Variants in PEAK1 observed in about 807,000 individuals in gnomAD.
PEAK1 encodes pseudopodium enriched atypical kinase 1.
Under a neutral mutation model 124.7 loss-of-function variants are expected in PEAK1, and 54 were observed. The ratio of observed to expected loss-of-function variants is 0.43; its 90% CI spans 0.35 to 0.54. The LOEUF is 0.54. Ranked by LOEUF, PEAK1 falls within the 20% of genes least tolerant of loss-of-function variation. The probability of loss-of-function intolerance (pLI) is 0.01; values close to 1 mark genes in which losing one functional copy is unlikely to be tolerated. For missense variants in PEAK1, 2,046 were observed against 2,134.5 expected (o/e 0.96, Z 0.82); for synonymous variants, 719 against 760.0 (o/e 0.95, Z 0.89).
At chr15:77,354,668 T>A (rs2067398919) in intron 2 of PEAK1, among the ~76,000 whole-genome samples, 1 of 152,208 alleles carries the variant, frequency 6.6e-6, no homozygotes, top group African/African-American at 2.4e-5. Context: ...GAATACATAG[T>A]TTTCTCTCTG....
intron 1 of PEAK1, chr15:77,418,414 C>A (rs1328700900): frequency 1.0e-6 from 1 of 985,172 alleles, no homozygotes; most frequent in East Asian, 1.1e-4. Context: ...TTTCCCTTTC[C>A]CCCCCGACAG....
intron 9 of PEAK1, among the ~76,000 whole-genome samples, chr15:77,119,778 T>C (rs2051744181): frequency 6.6e-6 from 1 of 152,254 alleles, no homozygotes; most frequent in Non-Finnish European, 1.5e-5. Flanking sequence ...TCATGACAAC[T>C]GCCCTGCATA....
chr15:77,300,300 T>C (rs911026265), intron 2 of PEAK1, among the ~76,000 whole-genome samples: 1 of 152,198 alleles, frequency 6.6e-6, no homozygotes, highest in Non-Finnish European at 1.5e-5. Flanking sequence ...AACAGCAAGG[T>C]TGACTACAGG....
At position 77,166,816 on chromosome 15, in the gene PEAK1, T is replaced by C. The variant is rs576501744; in HGVS notation, c.3138-8120A>G. Among the ~76,000 whole-genome samples, 8 of 152,126 alleles carry C rather than the reference T, an allele frequency of 5.3e-5. No individual in the cohort carries two copies. The East Asian group carries it at 1.2e-3, about 22-fold the overall frequency. On this transcript the variant is annotated intron_variant, in intron 7 of 9. Transcript: ENST00000682557. ...TGGTAAGCAGAGCTCAAGTAACTTATCCAAGATGACACTAATGTGACAAAA... is the reference window on the plus strand; with the variant it reads ...TGGTAAGCAGAGCTCAAGTAACTTACCCAAGATGACACTAATGTGACAAAA...
At chr15:77,366,369 A>T (rs184096486) in intron 1 of PEAK1, among the ~76,000 whole-genome samples, 7 of 152,306 alleles carry the variant, frequency 4.6e-5, no homozygotes, top group African/African-American at 1.7e-4. Flanking sequence ...TAACATGAGC[A>T]AGAAATAAAC....
chr15:77,300,837 C>T (rs1483295262), intron 2 of PEAK1, among the ~76,000 whole-genome samples: 1 of 151,660 alleles, frequency 6.6e-6, no homozygotes, highest in Non-Finnish European at 1.5e-5. Flanking sequence ...CTTAAAAAAC[C>T]AGTAATTATT....
chr15:77,105,410 G>A (rs1179957204), downstream of PEAK1: 1 of 152,218 alleles, frequency 6.6e-6, no homozygotes, highest in African/African-American at 2.4e-5. Flanking sequence ...TCTCAAGGAA[G>A]TCAGTTTGTG....
chr15:77,397,351 AAAC>A (rs1173427324), intron 1 of PEAK1, among the ~76,000 whole-genome samples: 6 of 152,254 alleles, frequency 3.9e-5, no homozygotes, highest in Non-Finnish European at 1.5e-5. Context: ...ACCTATATAA[AAAC>A]AACAGAAAAA....
At chr15:77,394,043 T>C (rs541703654) in intron 1 of PEAK1, among the ~76,000 whole-genome samples, 1 of 152,204 alleles carries the variant, frequency 6.6e-6, no homozygotes, top group Non-Finnish European at 1.5e-5. Context: ...ATTCTCTGCT[T>C]GTGGAAAGGG....
chr15:77,147,679 C>A (rs1412865751), intron 8 of PEAK1, among the ~76,000 whole-genome samples: 2 of 152,150 alleles, frequency 1.3e-5, no homozygotes, highest in African/African-American at 4.8e-5. Flanking sequence ...TAAGGTGTTA[C>A]AGATCAGAGT....
At chr15:77,207,239 G>T (rs1056751196) in intron 6 of PEAK1, among the ~76,000 whole-genome samples, 2 of 152,076 alleles carry the variant, frequency 1.3e-5, no homozygotes, top group Non-Finnish European at 2.9e-5. Context: ...CAAAAGCAAT[G>T]GCAACAAAAG....
rs547285438 is a variant in PEAK1 at position 77,110,960 on chromosome 15, C to T, written c.*3196G>A. The T allele has an allele frequency of 7.9e-5, 12 of 152,356 alleles. No homozygotes were observed. In the East Asian group the frequency reaches 2.1e-3, roughly 27 times the overall value. The allele number at this position is 152,356 out of a possible 1,614,324, so 9.4% of individuals were successfully genotyped here. ...TTCCAAGACTAGGTTACCACTCTAA[C>T]AAGGCACTCTGCTATACATTCAGTC... On this transcript the variant is annotated 3_prime_UTR_variant, in exon 10 of 10. Transcript: ENST00000682557.
At chr15:77,346,391 T>A in intron 2 of PEAK1, 1 of 984,688 alleles carries the variant, frequency 1.0e-6, no homozygotes, top group Non-Finnish European at 1.2e-6. Context: ...GAAAAATGTT[T>A]ATGAGAAGGC....
chr15:77,230,222 C>T (rs533224673), intron 6 of PEAK1, among the ~76,000 whole-genome samples: 15 of 149,754 alleles, frequency 1.0e-4, no homozygotes, highest in African/African-American at 2.0e-4. Context: ...TTTTTTGACA[C>T]GGAGTCTTGA....
At chr15:77,121,673 C>T (rs1208958160) in intron 9 of PEAK1, among the ~76,000 whole-genome samples, 1 of 152,182 alleles carries the variant, frequency 6.6e-6, no homozygotes, top group Non-Finnish European at 1.5e-5. Flanking sequence ...AAATATAAGA[C>T]TCTTCAAAAA....
At chr15:77,193,186 C>G (rs1056993112) in intron 6 of PEAK1, among the ~76,000 whole-genome samples, 1 of 152,186 alleles carries the variant, frequency 6.6e-6, no homozygotes, top group African/African-American at 2.4e-5. Flanking sequence ...ATAATTCTCA[C>G]ATATAAGAAA....
chr15:77,337,290 A>G, intron 2 of PEAK1: 1 of 985,242 alleles, frequency 1.0e-6, no homozygotes, highest in Non-Finnish European at 1.2e-6. Flanking sequence ...CAAGACAAGA[A>G]GTTTATTTTG....
At chr15:77,164,882 A>C (rs2055958402) in intron 7 of PEAK1, among the ~76,000 whole-genome samples, 1 of 152,094 alleles carries the variant, frequency 6.6e-6, no homozygotes. Flanking sequence ...TAACCCAGGA[A>C]GGATGTTGAA....
At chr15:77,383,474 T>C (rs2069658139) in intron 1 of PEAK1, among the ~76,000 whole-genome samples, 1 of 152,216 alleles carries the variant, frequency 6.6e-6, no homozygotes, top group South Asian at 2.1e-4. Context: ...AAAGGATACA[T>C]AAAAATGTGA....
Sources: allele counts gnomAD v4.1 joint callset (sites outside exome capture counted in the v4.1 genomes callset), GRCh38; gene constraint gnomAD v4.1.1; transcripts MANE v1.5; gene names NCBI Gene and HGNC (gene_info 2026-07-23, HGNC 2026-07-21).